FBXW7: variants seen among roughly 807,000 people sequenced by gnomAD.
FBXW7 encodes F-box/WD repeat-containing protein 7.
In FBXW7, 11 loss-of-function variants were observed where a neutral mutation model predicts 86.3. The observed-to-expected ratio is 0.13, with a 90% confidence interval of 0.08 to 0.21. FBXW7 has a LOEUF of 0.21. Among genes scored for constraint, FBXW7 ranks in the 10% least tolerant of loss-of-function variants. The probability of loss-of-function intolerance (pLI) is 1.00; values close to 1 mark genes in which losing one functional copy is unlikely to be tolerated. For synonymous variants in FBXW7, 313 were observed against 297.9 expected (o/e 1.05, Z -0.52); for missense variants, 488 against 847.4 (o/e 0.58, Z 5.27).
At chr4:152,414,341 T>C (rs991634660) in intron 2 of FBXW7, among the ~76,000 whole-genome samples, 4 of 152,102 alleles carry the variant, frequency 2.6e-5, no homozygotes, top group Non-Finnish European at 4.4e-5. Context: ...TGCTTTTTCC[T>C]CATGGACCAT....
At chr4:152,484,567 T>A (rs1745177380) in intron 2 of FBXW7, among the ~76,000 whole-genome samples, 1 of 152,228 alleles carries the variant, frequency 6.6e-6, no homozygotes, top group South Asian at 2.1e-4. Context: ...ACAACTTACA[T>A]GTGGCACATT....
chr4:152,458,553 C>T (rs1742649485), intron 2 of FBXW7, among the ~76,000 whole-genome samples: 1 of 152,216 alleles, frequency 6.6e-6, no homozygotes, highest in South Asian at 2.1e-4. Context: ...CTAGGTCAGA[C>T]ATGTCTTAGC....
At chr4:152,330,473 G>A (rs1250096211) in intron 9 of FBXW7, among the ~76,000 whole-genome samples, 2 of 151,844 alleles carry the variant, frequency 1.3e-5, no homozygotes, top group Non-Finnish European at 2.9e-5. Context: ...AATTCAATAG[G>A]ATATTGAGAG....
intron 2 of FBXW7, among the ~76,000 whole-genome samples, chr4:152,520,432 T>G (rs1383147334): frequency 7.8e-6 from 1 of 127,996 alleles, no homozygotes; most frequent in Non-Finnish European, 1.6e-5. Context: ...AGAGCGAGAC[T>G]CCGTCTCAAA....
chr4:152,467,459 C>G (rs115082830), intron 2 of FBXW7, among the ~76,000 whole-genome samples: 1 of 152,084 alleles, frequency 6.6e-6, no homozygotes, highest in Non-Finnish European at 1.5e-5. Context: ...AGCGTGAGAA[C>G]GGACTAATAA....
At chr4:152,450,890 T>C (rs952574352) in intron 2 of FBXW7, among the ~76,000 whole-genome samples, 1 of 152,192 alleles carries the variant, frequency 6.6e-6, no homozygotes, top group Non-Finnish European at 1.5e-5. Flanking sequence ...ACTTGTGAAA[T>C]AGCTTGACTT....
intron 2 of FBXW7, among the ~76,000 whole-genome samples, chr4:152,491,890 T>A (rs1745892669): frequency 6.6e-6 from 1 of 152,142 alleles, no homozygotes; most frequent in Non-Finnish European, 1.5e-5. Flanking sequence ...TAGATAAAAC[T>A]TGTTTATTTT....
intron 2 of FBXW7, among the ~76,000 whole-genome samples, chr4:152,458,674 C>G (rs1276066359): frequency 6.6e-6 from 1 of 152,186 alleles, no homozygotes; most frequent in African/African-American, 2.4e-5. Context: ...CCATATCTAC[C>G]TTTCAGAGAA....
chr4:152,522,068 G>A (rs956115132), intron 2 of FBXW7, among the ~76,000 whole-genome samples: 6 of 152,162 alleles, frequency 3.9e-5, no homozygotes, highest in Admixed American at 1.3e-4. Context: ...CTAAGTTAAA[G>A]AGCCCTTGAC....
chr4:152,371,760 C>T (rs1003983526), intron 4 of FBXW7, among the ~76,000 whole-genome samples: 1 of 151,910 alleles, frequency 6.6e-6, no homozygotes, highest in African/African-American at 2.4e-5. Flanking sequence ...ACTAATGTAT[C>T]CCAAGTGCCT....
chr4:152,368,966 T>C (rs2126728169), intron 4 of FBXW7, among the ~76,000 whole-genome samples: 1 of 152,148 alleles, frequency 6.6e-6, no homozygotes, highest in South Asian at 2.1e-4. Flanking sequence ...CCAAATCACA[T>C]TAACTTTTTA....
intron 2 of FBXW7, among the ~76,000 whole-genome samples, chr4:152,510,295 C>T (rs755408430): frequency 2.0e-5 from 3 of 152,112 alleles, no homozygotes; most frequent in South Asian, 2.1e-4. Context: ...TATATCTGTA[C>T]TACTAAATTT....
chr4:152,338,047 T>C (rs745669203), intron 6 of FBXW7, 111 bp from the exon 7 acceptor site: 79 of 1,002,506 alleles, frequency 7.9e-5, no homozygotes, highest in South Asian at 1.2e-4. Context: ...GGTAGAACTG[T>C]ATAAAAAGTG....
In FBXW7 at chr4:152,464,365, T is replaced by C. The variant is rs992465683; in HGVS notation, c.-119-51836A>G. Among the ~76,000 whole-genome samples the C allele has an allele frequency of 3.9e-5, 6 of 152,030 alleles. No homozygotes were observed. The South Asian group carries it at 6.2e-4, about 16-fold the overall frequency. On this transcript the variant is annotated intron_variant, in intron 2 of 13. Transcript: ENST00000281708. ...GAAGGGCTAAGATTAAAAACAGAGATAATAAGCTTTTGAAATGAAAACACT... is the reference window on the plus strand; with the variant it reads ...GAAGGGCTAAGATTAAAAACAGAGACAATAAGCTTTTGAAATGAAAACACT...
At chr4:152,361,287 G>A (rs945328824) in intron 4 of FBXW7, among the ~76,000 whole-genome samples, 1 of 152,096 alleles carries the variant, frequency 6.6e-6, no homozygotes, top group African/African-American at 2.4e-5. Flanking sequence ...ATTTTAAAAA[G>A]AGGATTCTAT....
At chr4:152,405,192 A>G (rs1220038949) in intron 4 of FBXW7, among the ~76,000 whole-genome samples, 1 of 152,164 alleles carries the variant, frequency 6.6e-6, no homozygotes, top group Non-Finnish European at 1.5e-5. Flanking sequence ...ACTGAAAACA[A>G]ATTTACCAAA....
intron 2 of FBXW7, among the ~76,000 whole-genome samples, chr4:152,482,375 T>G (rs80019520): frequency 0.014 from 2,084 of 152,312 alleles, 25 homozygotes; most frequent in Middle Eastern, 0.037. Context: ...CTCACTTTAT[T>G]GTAATATTTG....
intron 6 of FBXW7, among the ~76,000 whole-genome samples, chr4:152,339,922 CAA>C (rs1227838925): frequency 0.051 from 3,356 of 66,204 alleles, 24 homozygotes; most frequent in East Asian, 0.088. Flanking sequence ...GGCTTTGTCT[CAA>C]AAAAAAAAAA....
chr4:152,324,118 C>G, intron 13 of FBXW7, 66 bp downstream of exon 13: 1 of 1,253,594 alleles, frequency 8.0e-7, no homozygotes. Flanking sequence ...GATGCTAAGG[C>G]TCCATATTTC....
Sources: gnomAD v4.1 joint callset for allele counts (sites outside exome capture counted in the v4.1 genomes callset) on GRCh38, gnomAD v4.1.1 for gene constraint, MANE v1.5 for transcripts, NCBI Gene and HGNC (gene_info 2026-07-23, HGNC 2026-07-21) for gene names.